Variants in PAK1 observed in about 807,000 individuals in gnomAD.
PAK1 encodes serine/threonine-protein kinase PAK 1.
In PAK1, 29 loss-of-function variants were observed where a neutral mutation model predicts 67.4. The observed-to-expected ratio is 0.43, with a 90% CI of 0.32 to 0.59. PAK1 has a LOEUF of 0.59. Ranked by LOEUF, PAK1 falls within the 20% of genes least tolerant of loss-of-function variation. PAK1 has a pLI of 0.07. For missense variants in PAK1, 337 were observed against 670.7 expected, an observed-to-expected ratio of 0.50 and a Z score of 5.50; for synonymous variants, 223 against 237.4, an observed-to-expected ratio of 0.94 and a Z score of 0.56.
the PAK1 span, among the ~76,000 whole-genome samples, chr11:77,506,619 G>C: frequency 1.3e-5 from 2 of 152,196 alleles, no homozygotes; most frequent in African/African-American, 4.8e-5. Flanking sequence ...AGGTGAGAAG[G>C]GGAATGGAGG....
At chr11:77,398,061 T>C (rs1022308242) in intron 1 of PAK1, among the ~76,000 whole-genome samples, 1 of 152,226 alleles carries the variant, frequency 6.6e-6, no homozygotes, top group Non-Finnish European at 1.5e-5. Flanking sequence ...AAAATAATCA[T>C]ATCATGGAGA....
the PAK1 span, among the ~76,000 whole-genome samples, chr11:77,499,406 T>G: frequency 5.3e-5 from 8 of 152,196 alleles, no homozygotes; most frequent in Non-Finnish European, 2.9e-5. Flanking sequence ...CATGTATACA[T>G]GTAAATAAAT....
chr11:77,465,129 T>TA (rs1277982466), intron 1 of PAK1, among the ~76,000 whole-genome samples: 1 of 152,060 alleles, frequency 6.6e-6, no homozygotes, highest in East Asian at 1.9e-4. Context: ...CAATGGATAG[T>TA]AAAAAAACGA....
At chr11:77,434,464 G>T (rs1956017325) in intron 1 of PAK1, among the ~76,000 whole-genome samples, 1 of 151,216 alleles carries the variant, frequency 6.6e-6, no homozygotes, top group African/African-American at 2.4e-5. Context: ...TTTGGAGAGG[G>T]GATGGGGTAT....
chr11:77,364,862 AATG>A (rs1331700001), intron 5 of PAK1, among the ~76,000 whole-genome samples: 6 of 152,314 alleles, frequency 3.9e-5, no homozygotes, highest in Non-Finnish European at 7.4e-5. Context: ...AAATGAACCA[AATG>A]GAAATACTAC....
intron 1 of PAK1, among the ~76,000 whole-genome samples, chr11:77,420,764 G>A (rs192548175): frequency 1.3e-5 from 2 of 152,314 alleles, no homozygotes; most frequent in Admixed American, 6.5e-5. Flanking sequence ...GATTTGCTCT[G>A]CTCCCCAGGG....
upstream of PAK1, among the ~76,000 whole-genome samples, chr11:77,477,537 G>A (rs1958071825): frequency 9.8e-6 from 1 of 102,230 alleles, no homozygotes; most frequent in Non-Finnish European, 1.8e-5. Context: ...TTGAGACCAG[G>A]CAAGATAACA....
At chr11:77,440,602 A>C (rs1956312290) in intron 1 of PAK1, among the ~76,000 whole-genome samples, 1 of 152,102 alleles carries the variant, frequency 6.6e-6, no homozygotes. Context: ...TCTAAATAGA[A>C]CTCTTAGAAT....
chr11:77,500,198 G>T, the PAK1 span, among the ~76,000 whole-genome samples: 1 of 152,234 alleles, frequency 6.6e-6, no homozygotes, highest in South Asian at 2.1e-4. Flanking sequence ...ACCGGGTGCG[G>T]TGGCTCACGC....
intron 2 of PAK1, among the ~76,000 whole-genome samples, chr11:77,388,983 T>C (rs1366445801): frequency 6.6e-6 from 1 of 152,208 alleles, no homozygotes. Context: ...TGGCTTTTAA[T>C]ATATTCAGAG....
At chr11:77,341,735 G>C (rs958453044) in intron 10 of PAK1, among the ~76,000 whole-genome samples, 2 of 152,226 alleles carry the variant, frequency 1.3e-5, no homozygotes, top group Non-Finnish European at 2.9e-5. Context: ...GGCTTGAACT[G>C]TGTGGTATCA....
At chr11:77,494,931 A>G in the PAK1 span, among the ~76,000 whole-genome samples, 1 of 152,124 alleles carries the variant, frequency 6.6e-6, no homozygotes, top group African/African-American at 2.4e-5. Flanking sequence ...TGGGAGGCCA[A>G]TATGGGAGGA....
At chr11:77,404,418 C>G (rs968234827) in intron 1 of PAK1, among the ~76,000 whole-genome samples, 23 of 152,080 alleles carry the variant, frequency 1.5e-4, no homozygotes, top group Admixed American at 9.2e-4. Context: ...CAGACACAGG[C>G]CACCACACCA....
At chr11:77,477,660 G>A (rs1011195770), upstream of PAK1, among the ~76,000 whole-genome samples, 19 of 151,996 alleles carry the variant, frequency 1.3e-4, no homozygotes, top group African/African-American at 4.6e-4. Flanking sequence ...GGCTAAGGTG[G>A]GAGGATCACT....
chr11:77,400,220 A>G (rs1952487131), intron 1 of PAK1, among the ~76,000 whole-genome samples: 1 of 152,226 alleles, frequency 6.6e-6, no homozygotes, highest in Admixed American at 6.5e-5. Flanking sequence ...AGACCACAGA[A>G]TAACATAAAT....
At chr11:77,519,314 T>C in the PAK1 span, among the ~76,000 whole-genome samples, 2,384 of 152,374 alleles carry the variant, frequency 0.016, 56 homozygotes, top group African/African-American at 0.055. Context: ...TCAATAGTTC[T>C]ATAAAATATC....
At chr11:77,459,722 T>TCGCTCTTTCACCCAGGC (rs1453779639) in intron 1 of PAK1, among the ~76,000 whole-genome samples, 2 of 143,818 alleles carry the variant, frequency 1.4e-5, no homozygotes, top group Non-Finnish European at 3.0e-5. Flanking sequence ...AGACGGAGTC[T>TCGCTCTTTCACCCAGGC]CGCTCTTTCA....
the PAK1 span, among the ~76,000 whole-genome samples, chr11:77,492,436 A>C: frequency 1.3e-5 from 2 of 152,292 alleles, no homozygotes; most frequent in East Asian, 3.9e-4. Flanking sequence ...ATGACCCATA[A>C]AAGGAATTAA....
chr11:77,479,629 ACAGAGTCTCACTCTGTCACC>A (rs1228080179), upstream of PAK1, among the ~76,000 whole-genome samples: 5 of 104,778 alleles, frequency 4.8e-5, no homozygotes, highest in Non-Finnish European at 7.0e-5. Flanking sequence ...TTTTTTGGTG[ACAGAGTCTCACTCTGTCACC>A]CAGGCTGGAG....
Sources: allele counts gnomAD v4.1 joint callset (sites outside exome capture counted in the v4.1 genomes callset), GRCh38; gene constraint gnomAD v4.1.1; transcripts MANE v1.5; gene names NCBI Gene and HGNC (gene_info 2026-07-23, HGNC 2026-07-21).